PYM1: variants seen among roughly 807,000 people sequenced by gnomAD.
PYM1 encodes the protein partner of Y14 and mago.
In PYM1, 7 loss-of-function variants were observed where a neutral mutation model predicts 20.7. The ratio of observed to expected loss-of-function variants is 0.34; its 90% CI spans 0.19 to 0.64. The LOEUF is 0.64. PYM1 is among the 30% of genes least tolerant of loss of function. PYM1 has a pLI of 0.74. For missense variants in PYM1, 194 were observed against 250.0 expected (o/e 0.78, Z 1.51); for synonymous variants, 100 against 99.2 (o/e 1.01, Z -0.05).
At chr12:55,905,051 G>C (rs990369967) in intron 1 of PYM1, among the ~76,000 whole-genome samples, 1 of 151,256 alleles carries the variant, frequency 6.6e-6, no homozygotes, top group Non-Finnish European at 1.5e-5. Flanking sequence ...GCCCAGGCTG[G>C]AGTGCAGTGG....
intron 1 of PYM1, among the ~76,000 whole-genome samples, chr12:55,911,119 T>C (rs1037949929): frequency 2.6e-5 from 4 of 152,120 alleles, no homozygotes; most frequent in Admixed American, 1.3e-4. Context: ...TATTTATTTA[T>C]TTTTTTGAGA....
intron 1 of PYM1, among the ~76,000 whole-genome samples, chr12:55,903,713 A>G (rs563395023): frequency 6.6e-6 from 1 of 152,236 alleles, no homozygotes; most frequent in East Asian, 1.9e-4. Context: ...ATTTGTAGGT[A>G]AGACAGGATA....
chr12:55,927,595 G>T, intron 1 of PYM1, 130 bp downstream of exon 1: 1 of 1,220,660 alleles, frequency 8.2e-7, no homozygotes, highest in Non-Finnish European at 1.1e-6. Context: ...AGGGACGGTT[G>T]GAGACCCTAT....
chr12:55,906,687 T>C (rs1882822843), intron 1 of PYM1, among the ~76,000 whole-genome samples: 1 of 152,102 alleles, frequency 6.6e-6, no homozygotes, highest in African/African-American at 2.4e-5. Flanking sequence ...TCGCTCTTGT[T>C]GCCCAGGCTG....
intron 1 of PYM1, chr12:55,926,984 C>A (rs1296986035): frequency 3.0e-6 from 4 of 1,346,982 alleles, no homozygotes; most frequent in Non-Finnish European, 4.0e-6. Context: ...AAAGGAGGGG[C>A]CCCGGGATGG....
intron 1 of PYM1, among the ~76,000 whole-genome samples, chr12:55,907,953 A>G (rs1159497049): frequency 6.7e-6 from 1 of 150,362 alleles, no homozygotes; most frequent in Admixed American, 6.6e-5. Flanking sequence ...AATAAAAAAT[A>G]AAAAATAAGG....
chr12:55,902,538 C>T (rs373146729), intron 2 of PYM1, among the ~76,000 whole-genome samples, 183 bp from the exon 3 acceptor site: 20 of 152,100 alleles, frequency 1.3e-4, no homozygotes, highest in East Asian at 9.6e-4. Flanking sequence ...AGTGTAATGG[C>T]GCAATCTCAG....
At chr12:55,904,612 A>T (rs71447766) in intron 1 of PYM1, among the ~76,000 whole-genome samples, 22 of 143,796 alleles carry the variant, frequency 1.5e-4, no homozygotes, top group Non-Finnish European at 2.3e-4. Flanking sequence ...AAAAAAAAAA[A>T]AAAAAAAGAA....
intron 1 of PYM1, chr12:55,914,035 G>A (rs561337368): frequency 2.7e-6 from 1 of 376,382 alleles, no homozygotes; most frequent in East Asian, 4.0e-5. Flanking sequence ...TATAAACAAA[G>A]TCCACAGGGG....
chr12:55,917,041 G>A (rs1467554519), intron 1 of PYM1, among the ~76,000 whole-genome samples: 3 of 152,116 alleles, frequency 2.0e-5, no homozygotes, highest in African/African-American at 7.2e-5. Context: ...GGTCAAGCCA[G>A]CAGTAAACTG....
chr12:55,909,231 A>G (rs1882879018), intron 1 of PYM1, among the ~76,000 whole-genome samples: 1 of 152,230 alleles, frequency 6.6e-6, no homozygotes. Context: ...GAGGACTGAG[A>G]CAAGAGCTGG....
At chr12:55,914,040 C>G in intron 1 of PYM1, 1 of 385,832 alleles carries the variant, frequency 2.6e-6, no homozygotes, top group Non-Finnish European at 4.6e-6. Context: ...ACAAAGTCCA[C>G]AGGGGAAAAC....
chr12:55,924,445 C>T lies in PYM1; in HGVS notation c.37+3280G>A, dbSNP rs537465143. ...ATCACTTAAGGCCAGGAGTTCAAAA[C>T]CAGCCTGGGCAACATAGCAAGTCTG... On this transcript the variant is annotated intron_variant, in intron 1 of 2. Coordinates refer to ENST00000408946, the MANE Select transcript of PYM1 (RefSeq NM_032345.3). 9.2e-5 allele frequency among the ~76,000 whole-genome samples: 14 copies of T among 152,132 alleles called. No homozygotes were observed. In the South Asian group the frequency reaches 2.9e-3, roughly 32 times the overall value.
At chr12:55,916,525 C>T (rs527547182) in intron 1 of PYM1, among the ~76,000 whole-genome samples, 2 of 152,006 alleles carry the variant, frequency 1.3e-5, no homozygotes, top group East Asian at 1.9e-4. Flanking sequence ...CAGCCAGGCA[C>T]GGTGACTCAC....
intron 1 of PYM1, chr12:55,927,030 G>A: frequency 2.0e-6 from 3 of 1,487,990 alleles, no homozygotes; most frequent in Non-Finnish European, 1.8e-6. Context: ...CCGAACCCCT[G>A]CCCCGAGAGC....
chr12:55,902,950 A>G (rs1320233774), intron 2 of PYM1, among the ~76,000 whole-genome samples: 1 of 151,726 alleles, frequency 6.6e-6, no homozygotes, highest in Non-Finnish European at 1.5e-5. Context: ...GTATTTTGTA[A>G]TTTTGTATTT....
intron 1 of PYM1, among the ~76,000 whole-genome samples, chr12:55,916,202 G>A (rs1013312037): frequency 2.0e-5 from 3 of 152,068 alleles, no homozygotes; most frequent in Non-Finnish European, 4.4e-5. Context: ...AGACGTGCTG[G>A]CACATGCTTG....
In PYM1 at chr12:55,901,830, C is replaced by T; in HGVS notation, c.*42G>A. 1.3e-6 allele frequency: 2 copies of T among 1,552,800 alleles called. No homozygotes were observed. The highest frequency in any genetic ancestry group is 1.7e-6 in the Non-Finnish European group (2 of 1,152,412). ...GTATTCCCCCAGACCCCAGAGAGCC[C>T]CACGGTTTGTTCTGCAGTCCATTCC... On this transcript the variant is annotated 3_prime_UTR_variant, in exon 3 of 3. Transcript: ENST00000408946.
Position 55,927,090 on chromosome 12 carries a change from G to A in PYM1, c.37+635C>T, listed in dbSNP as rs568431048. ...CCCGCACTCACCGCCGGTCTCGTCA[G>A]TAACATAGGGAGTCGCCATCTTGAA... On this transcript the variant is annotated intron_variant, in intron 1 of 2. Coordinates refer to ENST00000408946, the MANE Select transcript of PYM1 (RefSeq NM_032345.3). 2.9e-5 allele frequency: 45 copies of A among 1,539,754 alleles called. 1 individual carries two copies. In the South Asian group the frequency reaches 3.4e-4, roughly 12 times the overall value.
Sources: gnomAD v4.1 joint callset for allele counts (sites outside exome capture counted in the v4.1 genomes callset) on GRCh38, gnomAD v4.1.1 for gene constraint, MANE v1.5 for transcripts, NCBI Gene and HGNC (gene_info 2026-07-23, HGNC 2026-07-21) for gene names.